CCT6B: variants seen among roughly 807,000 people sequenced by gnomAD.
CCT6B encodes the protein probable T-complex protein 1 subunit zeta-2.
A neutral mutation model predicts 61.5 loss-of-function variants in CCT6B; 49 were observed. The ratio of observed to expected loss-of-function variants is 0.80; its 90% confidence interval spans 0.63 to 1.01. CCT6B has a LOEUF of 1.01. Among genes scored for constraint, CCT6B ranks in the 50% least tolerant of loss-of-function variants. The pLI, the probability that CCT6B is intolerant of heterozygous loss-of-function variation, is 0.00. For synonymous variants in CCT6B, 228 were observed against 214.5 expected (o/e 1.06, Z -0.55); for missense variants, 666 against 634.7 (o/e 1.05, Z -0.53).
chr17:34,954,517 G>A lies in CCT6B; in HGVS notation c.419C>T (p.Thr140Ile), dbSNP rs1379213048. 6.2e-6 allele frequency: 10 copies of A among 1,613,214 alleles called. No homozygotes were observed. Among genetic ancestry groups the A allele is most frequent in the African/African-American group, 5.3e-5 (4 of 74,882 alleles). Reference sequence around the variant, plus strand: ...GAGGATTTTTCTTTTCATCTCCTTTGTCACTTTAACTTCCTCCAAAACTTC... The same window carrying A: ...GAGGATTTTTCTTTTCATCTCCTTTATCACTTTAACTTCCTCCAAAACTTC... Reference protein sequence around the residue: ...ALEVLEEVKVTKEMKRKILLD... With the variant: ...ALEVLEEVKVIKEMKRKILLD... Residue 140 changes from threonine (T) to isoleucine (I), a missense_variant, in exon 4 of 14, where the codon ACA (threonine) becomes ATA (isoleucine). Transcript: ENST00000314144.
intron 3 of CCT6B, among the ~76,000 whole-genome samples, chr17:34,955,517 T>A (rs772590698): frequency 1.4e-4 from 22 of 152,140 alleles, no homozygotes; most frequent in Non-Finnish European, 2.4e-4. Context: ...GAAATGAAAA[T>A]GCTTGAAGAA....
chr17:34,934,914 A>G (rs571121428), intron 10 of CCT6B, among the ~76,000 whole-genome samples: 1 of 152,366 alleles, frequency 6.6e-6, no homozygotes, highest in East Asian at 1.9e-4. Context: ...ATATGTAAAA[A>G]TTCTTAACAA....
Position 34,957,706 on chromosome 17 carries a change from G to A in CCT6B, c.336+854C>T, listed in dbSNP as rs535383659. On this transcript the variant is annotated intron_variant, in intron 3 of 13. Coordinates refer to ENST00000314144, the MANE Select transcript of CCT6B (RefSeq NM_006584.4). Reference sequence around the variant, plus strand: ...AATTCCCAATACTAAACGAAACACAGAGAATCATTTTGACTAGGTTACTCT... The same window carrying A: ...AATTCCCAATACTAAACGAAACACAAAGAATCATTTTGACTAGGTTACTCT... Among the ~76,000 whole-genome samples the A allele has an allele frequency of 1.1e-4, 16 of 152,258 alleles. No individual in the cohort carries two copies. The South Asian group carries it at 3.1e-3, about 30-fold the overall frequency.
chr17:34,929,989 G>C (rs770405177), intron 12 of CCT6B, among the ~76,000 whole-genome samples: 33 of 152,156 alleles, frequency 2.2e-4, no homozygotes, highest in Non-Finnish European at 4.1e-4. Context: ...ACAGTTGATT[G>C]CAACTCCAAC....
chr17:34,939,374 A>G, intron 9 of CCT6B, 44 bp from the exon 10 acceptor site: 1 of 1,498,066 alleles, frequency 6.7e-7, no homozygotes, highest in Non-Finnish European at 9.2e-7. Context: ...ATTTGATGTC[A>G]TTATAAAATC....
At chr17:34,936,885 G>A (rs924046987) in intron 10 of CCT6B, among the ~76,000 whole-genome samples, 1 of 152,100 alleles carries the variant, frequency 6.6e-6, no homozygotes, top group Admixed American at 6.6e-5. Context: ...GGGTGTAATG[G>A]CTCACACCTG....
intron 5 of CCT6B, chr17:34,944,108 T>C (rs1208364212): frequency 6.6e-6 from 1 of 152,212 alleles, no homozygotes; most frequent in Non-Finnish European, 1.5e-5. Context: ...CTTAACAGAA[T>C]GTAAACATAT....
rs1314919140 is a variant in CCT6B at position 34,939,203 on chromosome 17, A to G, written c.1193T>C (p.Ile398Thr). The stretch of plus-strand genomic sequence containing the variant: ...CTTACCATCTTCAATGGCATTTTTG[A>G]TAGCACGAAGTCCATCTCTTATGGC... Reference protein sequence around the residue: ...KDAIRDGLRAIKNAIEDGCMV... With the variant: ...KDAIRDGLRATKNAIEDGCMV... The change falls in exon 10 of 14, where the codon ATC becomes ACC. Residue 398 changes from isoleucine to threonine, a missense_variant. Coordinates refer to ENST00000314144, the MANE Select transcript of CCT6B (RefSeq NM_006584.4). 6.2e-7 allele frequency: 1 copy of G among 1,613,576 alleles called. No homozygotes were observed. Among genetic ancestry groups the G allele is most frequent in the Non-Finnish European group, 8.5e-7 (1 of 1,179,854 alleles).
At chr17:34,932,339 T>C in intron 11 of CCT6B, 28 bp downstream of exon 11, 1 of 1,582,830 alleles carries the variant, frequency 6.3e-7, no homozygotes, top group Non-Finnish European at 8.6e-7. Context: ...TCTAAGCAGT[T>C]GTTATTTGGC....
At chr17:34,938,047 G>A (rs1312748375) in intron 10 of CCT6B, among the ~76,000 whole-genome samples, 1 of 151,750 alleles carries the variant, frequency 6.6e-6, no homozygotes, top group African/African-American at 2.4e-5. Context: ...AGGCCACCAC[G>A]CCTGGCTATT....
chr17:34,952,247 ACTTCAGAGATC>A (rs1337778639), intron 4 of CCT6B, among the ~76,000 whole-genome samples, 194 bp from the exon 5 acceptor site: 1 of 152,208 alleles, frequency 6.6e-6, no homozygotes, highest in Admixed American at 6.5e-5. Context: ...GTCTAAAGAA[ACTTCAGAGATC>A]ATTAGGTCCA....
At chr17:34,945,389 T>C (rs1464985097) in intron 5 of CCT6B, among the ~76,000 whole-genome samples, 2 of 152,172 alleles carry the variant, frequency 1.3e-5, no homozygotes, top group African/African-American at 2.4e-5. Context: ...ACTCTTGATT[T>C]ATCTCCCCAA....
At chr17:34,946,251 A>T (rs919981572) in intron 5 of CCT6B, among the ~76,000 whole-genome samples, 4 of 152,234 alleles carry the variant, frequency 2.6e-5, no homozygotes, top group African/African-American at 9.6e-5. Context: ...TAGGTCTCAA[A>T]TTATTTCTAC....
In CCT6B at chr17:34,940,520, T is replaced by C; in HGVS notation, c.968+19A>G. 5.8e-6 allele frequency: 8 copies of C among 1,370,250 alleles called. No homozygotes were observed. The highest frequency in any genetic ancestry group is 8.2e-6 in the Non-Finnish European group (8 of 978,148). The allele number at this position is 1,370,250 out of a possible 1,614,324, so 84.9% of individuals were successfully genotyped here. On this transcript the variant is annotated intron_variant, in intron 8 of 13. Transcript: ENST00000314144. ...TACTCTGTTAAAAACTTAGGATATATAATTATCTGCAAGCTTACCTTTCCA... is the reference window on the plus strand; with the variant it reads ...TACTCTGTTAAAAACTTAGGATATACAATTATCTGCAAGCTTACCTTTCCA...
intron 8 of CCT6B, among the ~76,000 whole-genome samples, 195 bp downstream of exon 8, chr17:34,940,344 C>A (rs1377948283): frequency 6.6e-6 from 1 of 152,160 alleles, no homozygotes; most frequent in African/African-American, 2.4e-5. Flanking sequence ...TATACTTCAA[C>A]AAAGTTCTGC....
At chr17:34,937,833 G>T (rs2090111358) in intron 10 of CCT6B, among the ~76,000 whole-genome samples, 2 of 151,484 alleles carry the variant, frequency 1.3e-5, no homozygotes. Flanking sequence ...TATATACAAA[G>T]AACTCTCAAA....
At chr17:34,942,753 A>G (rs746364784) in intron 6 of CCT6B, 43 bp downstream of exon 6, 2 of 1,507,376 alleles carry the variant, frequency 1.3e-6, no homozygotes, top group East Asian at 4.5e-5. Context: ...AAACACCTTT[A>G]GAAAAAAAAA....
chr17:34,943,764 T>TA (rs1355250617), intron 5 of CCT6B: 1 of 139,662 alleles, frequency 7.2e-6, no homozygotes, highest in East Asian at 2.0e-4. Flanking sequence ...TAAAGTATAA[T>TA]AAAAAATATA....
In CCT6B at chr17:34,939,669, T is replaced by C. The variant is rs752038699; in HGVS notation, c.1013A>G (p.Asp338Gly). The part of the protein sequence containing the change: ...CGGMAVNSFE[D>G]LTVDCLGHAG... ...ATGTCCCAAGCAATCTACAGTGAGATCTTCAAAAGAATTCACGGCCATTCC... is the reference window on the plus strand; with the variant it reads ...ATGTCCCAAGCAATCTACAGTGAGACCTTCAAAAGAATTCACGGCCATTCC... The change falls in exon 9 of 14, where the codon GAT becomes GGT. Residue 338 changes from aspartate (D) to glycine (G), a missense_variant. Transcript: ENST00000314144. The C allele has an allele frequency of 6.2e-7, 1 of 1,613,550 alleles. No homozygotes were observed. The highest frequency in any genetic ancestry group is 2.2e-5 in the East Asian group (1 of 44,820).
Sources: gnomAD v4.1 joint callset for allele counts (sites outside exome capture counted in the v4.1 genomes callset) on GRCh38, gnomAD v4.1.1 for gene constraint, MANE v1.5 for transcripts, NCBI Gene and HGNC (gene_info 2026-07-23, HGNC 2026-07-21) for gene names.